The following GPC5 variants were observed in gnomAD, a reference collection of about 807,000 sequenced individuals.
The protein encoded by GPC5 is glypican-5.
In GPC5, 47 loss-of-function variants were observed where a neutral mutation model predicts 53.9. The ratio of observed to expected loss-of-function variants is 0.87; its 90% CI spans 0.69 to 1.11. GPC5 has a LOEUF of 1.11. GPC5 is among the 50% of genes most tolerant of loss of function. GPC5 has a pLI of 0.00. For missense variants in GPC5, 748 were observed against 713.1 expected (o/e 1.05, Z -0.56); for synonymous variants, 286 against 263.3 (o/e 1.09, Z -0.84).
chr13:92,248,635 AATT>A, intron 7 of GPC5, among the ~76,000 whole-genome samples: 2 of 152,254 alleles, frequency 1.3e-5, no homozygotes, highest in Non-Finnish European at 2.9e-5. Context: ...TTCTTCAAAC[AATT>A]ATTATTTCTC....
intron 7 of GPC5, among the ~76,000 whole-genome samples, chr13:92,503,567 A>T (rs1424765382): frequency 6.6e-6 from 1 of 151,734 alleles, no homozygotes; most frequent in Admixed American, 6.6e-5. Context: ...CCCTCTTTAA[A>T]AAAAACCCAG....
At chr13:92,618,472 G>T (rs965511317) in intron 7 of GPC5, among the ~76,000 whole-genome samples, 2 of 151,914 alleles carry the variant, frequency 1.3e-5, no homozygotes, top group African/African-American at 2.4e-5. Context: ...ATGGGCAAAA[G>T]GTAAGTAGAT....
chr13:91,578,094 G>A (rs1291283140), intron 2 of GPC5, among the ~76,000 whole-genome samples: 1 of 152,222 alleles, frequency 6.6e-6, no homozygotes, highest in East Asian at 1.9e-4. Flanking sequence ...GCAGTGACAT[G>A]AAGGGTTCAT....
intron 7 of GPC5, among the ~76,000 whole-genome samples, chr13:92,850,490 T>G (rs993848720): frequency 1.3e-5 from 2 of 151,996 alleles, no homozygotes; most frequent in African/African-American, 4.8e-5. Flanking sequence ...GCACAGCTAC[T>G]TGAGAGGCTG....
intron 7 of GPC5, among the ~76,000 whole-genome samples, chr13:92,382,425 T>A (rs1331503782): frequency 6.6e-6 from 1 of 152,140 alleles, no homozygotes; most frequent in Non-Finnish European, 1.5e-5. Flanking sequence ...TGAATGGGGA[T>A]TTAGGTTGTC....
intron 5 of GPC5, among the ~76,000 whole-genome samples, chr13:91,895,248 C>A (rs2039429291): frequency 6.6e-6 from 1 of 152,060 alleles, no homozygotes; most frequent in African/African-American, 2.4e-5. Context: ...CCATTTATGA[C>A]AAGCTTTAGA....
At position 92,490,756 on chromosome 13, in the gene GPC5, G is replaced by A. The variant is rs535162741; in HGVS notation, c.1561+345767G>A. ...ATAGGGACATAGGAAGGAATTAACC[G>A]TGTAACAGATAATGAACTAAAAATT... is the stretch of plus-strand genomic sequence containing the variant. On this transcript the variant is annotated intron_variant, in intron 7 of 7. Coordinates refer to ENST00000377067, the MANE Select transcript of GPC5 (RefSeq NM_004466.6). Among the ~76,000 whole-genome samples, 110 of 152,112 alleles carry A rather than the reference G, an allele frequency of 7.2e-4. 1 individual carries two copies. Among genetic ancestry groups the A allele is most frequent in the African/African-American group, 2.3e-3 (95 of 41,538 alleles).
rs184572418 is a variant in GPC5 at position 91,467,198 on chromosome 13, C to T, written c.325+18276C>T. ...CTTTGCTATGATGGAGTTAAGATGT[C>T]ACAGAGAAGACATCTGATTTGAATT... On this transcript the variant is annotated intron_variant, in intron 2 of 7. Transcript: ENST00000377067. Among the ~76,000 whole-genome samples the T allele has an allele frequency of 2.0e-5, 3 of 152,246 alleles. No homozygotes were observed. The East Asian group carries it at 5.8e-4, about 29-fold the overall frequency.
Position 91,816,683 on chromosome 13 carries a change from T to C in GPC5, c.1280+60263T>C, listed in dbSNP as rs370333133. ...TATGTAATAATGTGTATTTGAAAGC[T>C]ACATAGAAGACGCTTTTTGCAAGTT... is the stretch of plus-strand genomic sequence containing the variant. On this transcript the variant is annotated intron_variant, in intron 5 of 7. Transcript: ENST00000377067. 2.0e-4 allele frequency among the ~76,000 whole-genome samples: 30 copies of C among 152,294 alleles called. No homozygotes were observed. The East Asian group carries it at 4.6e-3, about 23-fold the overall frequency.
chr13:92,211,106 A>G (rs564944308), intron 7 of GPC5, among the ~76,000 whole-genome samples: 71 of 152,162 alleles, frequency 4.7e-4, no homozygotes, highest in Non-Finnish European at 6.2e-4. Context: ...CATGTAATAA[A>G]TAGGTGAGTA....
chr13:92,522,483 C>A (rs1189271691), intron 7 of GPC5, among the ~76,000 whole-genome samples: 3 of 152,040 alleles, frequency 2.0e-5, no homozygotes, highest in Non-Finnish European at 2.9e-5. Context: ...ATGGATGAAG[C>A]TGGAAACCAT....
intron 7 of GPC5, among the ~76,000 whole-genome samples, chr13:92,534,708 A>G (rs1272494528): frequency 2.6e-5 from 4 of 152,192 alleles, no homozygotes; most frequent in Non-Finnish European, 5.9e-5. Context: ...GCTTACAAGT[A>G]GTAGAGGAAA....
intron 7 of GPC5, among the ~76,000 whole-genome samples, chr13:92,718,431 A>C (rs1019016262): frequency 2.6e-5 from 4 of 152,262 alleles, no homozygotes; most frequent in Admixed American, 6.5e-5. Context: ...TATTATGTGA[A>C]GTGAAATAGG....
chr13:91,412,942 G>T (rs1030324604), intron 1 of GPC5, among the ~76,000 whole-genome samples: 2 of 152,166 alleles, frequency 1.3e-5, no homozygotes, highest in Non-Finnish European at 2.9e-5. Flanking sequence ...ATAAATTATG[G>T]ATAATTATGT....
At chr13:92,577,299 G>A (rs183647779) in intron 7 of GPC5, among the ~76,000 whole-genome samples, 54 of 152,172 alleles carry the variant, frequency 3.5e-4, no homozygotes, top group East Asian at 1.7e-3. Context: ...CGTCAATCTC[G>A]CTTTAGTCCA....
chr13:92,387,789 T>A (rs1205368094), intron 7 of GPC5, among the ~76,000 whole-genome samples: 2 of 152,138 alleles, frequency 1.3e-5, no homozygotes, highest in Admixed American at 1.3e-4. Context: ...AAGCTCTGGT[T>A]TCCTTACTAG....
chr13:92,510,270 T>C (rs190880246), intron 7 of GPC5, among the ~76,000 whole-genome samples: 136 of 152,298 alleles, frequency 8.9e-4, no homozygotes, highest in Middle Eastern at 6.8e-3. Context: ...AGCTTCATCT[T>C]GGCCCACTTT....
chr13:92,430,882 T>C (rs1437002161), intron 7 of GPC5, among the ~76,000 whole-genome samples: 1 of 152,032 alleles, frequency 6.6e-6, no homozygotes, highest in Non-Finnish European at 1.5e-5. Flanking sequence ...TTTACATTTG[T>C]TTTTTCAATG....
At chr13:92,818,673 A>T (rs1877568910) in intron 7 of GPC5, among the ~76,000 whole-genome samples, 1 of 151,996 alleles carries the variant, frequency 6.6e-6, no homozygotes, top group African/African-American at 2.4e-5. Flanking sequence ...CTGCCAGAGA[A>T]GTTTCTTGGC....
Sources: gnomAD v4.1 joint callset for allele counts (sites outside exome capture counted in the v4.1 genomes callset) on GRCh38, gnomAD v4.1.1 for gene constraint, MANE v1.5 for transcripts, NCBI Gene and HGNC (gene_info 2026-07-23, HGNC 2026-07-21) for gene names.